The following ATP13A4 variants were observed in gnomAD, a reference collection of about 807,000 sequenced individuals.
The protein encoded by ATP13A4 is ATPase 13A4, also known as probable cation-transporting ATPase 13A4.
ATP13A4 carries 114 observed loss-of-function variants against 142.5 expected under a neutral mutation model. The observed-to-expected ratio is 0.80, with a 90% CI of 0.69 to 0.93. The LOEUF (loss-of-function observed/expected upper bound fraction) is 0.93. Ranked by LOEUF, ATP13A4 falls within the 40% of genes least tolerant of loss-of-function variation. The pLI is 0.00. For synonymous variants in ATP13A4, 488 were observed against 514.8 expected (o/e 0.95, Z 0.70); for missense variants, 1,392 against 1,454.0 (o/e 0.96, Z 0.69).
At chr3:193,473,252 A>T (rs1371316763) in intron 8 of ATP13A4, among the ~76,000 whole-genome samples, 2 of 152,254 alleles carry the variant, frequency 1.3e-5, no homozygotes, top group Non-Finnish European at 2.9e-5. Flanking sequence ...ATCTGTAACA[A>T]TTTGAACATC....
chr3:193,416,996 T>C (rs1320389120), intron 25 of ATP13A4: 2 of 152,176 alleles, frequency 1.3e-5, no homozygotes, highest in Admixed American at 1.3e-4. Flanking sequence ...ACATCACCTA[T>C]AAGGGATCTT....
intron 10 of ATP13A4, among the ~76,000 whole-genome samples, chr3:193,466,809 T>C (rs375189440): frequency 6.6e-6 from 1 of 152,234 alleles, no homozygotes; most frequent in Non-Finnish European, 1.5e-5. Context: ...ATAATAATTA[T>C]TGTTATCAGT....
intron 10 of ATP13A4, 36 bp from the exon 11 acceptor site, chr3:193,466,218 G>T: frequency 1.9e-6 from 3 of 1,612,404 alleles, no homozygotes; most frequent in Non-Finnish European, 2.5e-6. Context: ...ACTCTCAGGA[G>T]ACCAACGCTA....
intron 7 of ATP13A4, among the ~76,000 whole-genome samples, chr3:193,486,695 T>C (rs1251128155): frequency 6.6e-6 from 1 of 152,142 alleles, no homozygotes; most frequent in Non-Finnish European, 1.5e-5. Context: ...AAGCTATGAG[T>C]CTGCAACTGA....
chr3:193,531,869 T>C lies in ATP13A4; in HGVS notation c.61-16998A>G, dbSNP rs1722357964. Among the ~76,000 whole-genome samples, 3 of 152,188 alleles carry C rather than the reference T, an allele frequency of 2.0e-5. No individual in the cohort carries two copies. The South Asian group carries it at 6.2e-4, about 32-fold the overall frequency. ...GTCAAGAGTGTAAAAAGCTGGAGTC[T>C]CCCACATAAACTAAGCCCTGAAAAC... On this transcript the variant is annotated intron_variant, in intron 1 of 29. Coordinates refer to ENST00000342695, the MANE Select transcript of ATP13A4 (RefSeq NM_032279.4).
At chr3:193,589,037 G>A (rs1045182164) in intron 1 of ATP13A4, among the ~76,000 whole-genome samples, 3 of 152,124 alleles carry the variant, frequency 2.0e-5, no homozygotes, top group Non-Finnish European at 4.4e-5. Context: ...CTACTCAGGA[G>A]ACTGAGGCAG....
intron 1 of ATP13A4, among the ~76,000 whole-genome samples, chr3:193,587,242 G>T (rs1724686840): frequency 6.6e-6 from 1 of 152,174 alleles, no homozygotes; most frequent in African/African-American, 2.4e-5. Flanking sequence ...GTATCACTGG[G>T]CTAAAATCAA....
Position 193,433,858 on chromosome 3 carries a change from A to G in ATP13A4, c.2829T>C (p.Leu943=). The G allele has an allele frequency of 2.5e-6, 4 of 1,613,270 alleles. No homozygotes were observed. The highest frequency in any genetic ancestry group is 3.4e-6 in the Non-Finnish European group (4 of 1,179,192). Residue 943 remains leucine (L), a synonymous_variant, in exon 25 of 30, where the codon CTT becomes CTC. Transcript: ENST00000342695. ...AAAATGTCTTACTTGTTACACCAATAAGAGTTGTAATGGCCAGATCCTGGA... is the reference window on the plus strand; with the variant it reads ...AAAATGTCTTACTTGTTACACCAATGAGAGTTGTAATGGCCAGATCCTGGA... ...FLFQDLAITT[L]IGVTMNLNGA...
chr3:193,446,709 T>A (rs963472846), intron 18 of ATP13A4, among the ~76,000 whole-genome samples: 2 of 151,618 alleles, frequency 1.3e-5, no homozygotes, highest in Non-Finnish European at 2.9e-5. Flanking sequence ...AAAATAAAAA[T>A]TTTTCTAAAA....
At chr3:193,535,157 T>C (rs1252917977) in intron 1 of ATP13A4, among the ~76,000 whole-genome samples, 2 of 152,102 alleles carry the variant, frequency 1.3e-5, no homozygotes, top group African/African-American at 4.8e-5. Context: ...ATATAGAAGA[T>C]GTAAAGAACA....
At chr3:193,592,181 G>A (rs973114029) in intron 1 of ATP13A4, among the ~76,000 whole-genome samples, 4 of 151,806 alleles carry the variant, frequency 2.6e-5, no homozygotes, top group African/African-American at 9.7e-5. Context: ...GGTCCCTGAA[G>A]TAAAGAGGAT....
chr3:193,442,205 C>T (rs113654102), intron 19 of ATP13A4, among the ~76,000 whole-genome samples, 188 bp downstream of exon 19: 21 of 152,318 alleles, frequency 1.4e-4, no homozygotes, highest in African/African-American at 4.8e-4. Flanking sequence ...TTATTTCCAG[C>T]ACACAGGAAA....
At chr3:193,436,801 G>A (rs1716297026) in intron 23 of ATP13A4, among the ~76,000 whole-genome samples, 1 of 150,840 alleles carries the variant, frequency 6.6e-6, no homozygotes, top group South Asian at 2.1e-4. Flanking sequence ...GATGTCCTAG[G>A]GTGTTAAAAC....
intron 17 of ATP13A4, among the ~76,000 whole-genome samples, chr3:193,452,738 T>C (rs1206891376): frequency 6.7e-6 from 1 of 149,188 alleles, no homozygotes; most frequent in Non-Finnish European, 1.5e-5. Context: ...TTTAGGCTTA[T>C]ACTGTATATA....
In ATP13A4 at chr3:193,466,210, T is replaced by C. The variant is rs751824941; in HGVS notation, c.1115-28A>G. Reference sequence around the variant, plus strand: ...GGAACAACAAACACACACCCCACACTCTCAGGAGACCAACGCTACTGCTAG... The same window carrying C: ...GGAACAACAAACACACACCCCACACCCTCAGGAGACCAACGCTACTGCTAG... On this transcript the variant is annotated intron_variant, in intron 10 of 29. Coordinates refer to ENST00000342695, the MANE Select transcript of ATP13A4 (RefSeq NM_032279.4). 3.1e-6 allele frequency: 5 copies of C among 1,613,006 alleles called. No homozygotes were observed. In the South Asian group the frequency reaches 5.5e-5, roughly 18 times the overall value.
At chr3:193,429,558 A>G (rs1237499887) in intron 25 of ATP13A4, among the ~76,000 whole-genome samples, 1 of 148,454 alleles carries the variant, frequency 6.7e-6, no homozygotes, top group East Asian at 2.0e-4. Flanking sequence ...TTTATATGAA[A>G]TATATTGAAT....
chr3:193,436,316 A>C (rs530466639), intron 23 of ATP13A4, among the ~76,000 whole-genome samples: 1 of 152,216 alleles, frequency 6.6e-6, no homozygotes, highest in African/African-American at 2.4e-5. Flanking sequence ...GAGCATTTTC[A>C]TTTGTGTTAT....
intron 1 of ATP13A4, among the ~76,000 whole-genome samples, chr3:193,516,702 A>C (rs1035791377): frequency 1.3e-5 from 2 of 152,092 alleles, no homozygotes; most frequent in Non-Finnish European, 2.9e-5. Context: ...AAGTTTCCTT[A>C]TATTGCCAGT....
chr3:193,420,026 T>C (rs1715328331), intron 25 of ATP13A4, among the ~76,000 whole-genome samples: 1 of 149,962 alleles, frequency 6.7e-6, no homozygotes, highest in Admixed American at 6.9e-5. Context: ...CTATTAGCCC[T>C]AGTTCCTGAA....
Sources: allele counts gnomAD v4.1 joint callset (sites outside exome capture counted in the v4.1 genomes callset), GRCh38; gene constraint gnomAD v4.1.1; transcripts MANE v1.5; gene names NCBI Gene and HGNC (gene_info 2026-07-23, HGNC 2026-07-21).